The following HELLS variants were observed in gnomAD, a reference collection of about 807,000 sequenced individuals.
The protein encoded by HELLS is lymphoid-specific helicase.
In HELLS, 32 loss-of-function variants were observed where a neutral mutation model predicts 120.0. The observed-to-expected ratio is 0.27, with a 90% CI of 0.20 to 0.36. HELLS has a LOEUF of 0.36. Among genes scored for constraint, HELLS ranks in the 10% least tolerant of loss-of-function variants. The pLI, the probability that HELLS is intolerant of heterozygous loss-of-function variation, is 1.00. For missense variants in HELLS, 650 were observed against 993.4 expected, an observed-to-expected ratio of 0.65 and a Z score of 4.65; for synonymous variants, 341 against 323.4, an observed-to-expected ratio of 1.05 and a Z score of -0.58.
intron 19 of HELLS, 79 bp from the exon 20 acceptor site, chr10:94,596,781 C>A: frequency 1.4e-6 from 1 of 729,464 alleles, no homozygotes. Flanking sequence ...TTAATGCAAG[C>A]CATTGTGATT....
At chr10:94,575,798 T>TGC (rs1844441427) in intron 9 of HELLS, among the ~76,000 whole-genome samples, 1 of 149,888 alleles carries the variant, frequency 6.7e-6, no homozygotes, top group African/African-American at 2.4e-5. Context: ...TGTGTGTGTG[T>TGC]GTGTGTGTGT....
At chr10:94,610,410 C>G (rs1257637106) in exon 10 of HELLS, 1 of 149,900 alleles carries the variant, frequency 6.7e-6, no homozygotes, top group Non-Finnish European at 1.5e-5. Flanking sequence ...AGTCTAGCAA[C>G]AGAGCGATAC....
intron 4 of HELLS, 69 bp from the exon 5 acceptor site, chr10:94,562,622 A>G (rs1843612457): frequency 5.7e-6 from 6 of 1,050,656 alleles, no homozygotes; most frequent in Non-Finnish European, 8.6e-6. Flanking sequence ...CAAGTTAATC[A>G]GTGCCTTTTA....
At chr10:94,551,122 G>A (rs1842962830) in intron 2 of HELLS, 1 of 152,192 alleles carries the variant, frequency 6.6e-6, no homozygotes, top group Admixed American at 6.5e-5. Context: ...TAAAAGAACT[G>A]AAAATTGAGT....
chr10:94,546,923 A>G (rs182876494), intron 2 of HELLS, among the ~76,000 whole-genome samples: 5 of 152,304 alleles, frequency 3.3e-5, no homozygotes, highest in Admixed American at 3.3e-4. Flanking sequence ...GCATCAATCA[A>G]AGGCTGGGCT....
intron 12 of HELLS, 100 bp from the exon 13 acceptor site, chr10:94,588,129 G>T (rs35673694): frequency 1.8e-6 from 1 of 569,756 alleles, no homozygotes; most frequent in Non-Finnish European, 2.9e-6. Context: ...TATTTATATA[G>T]GAAGTCAAAA....
chr10:94,593,226 AT>A, intron 17 of HELLS, among the ~76,000 whole-genome samples: 1 of 152,208 alleles, frequency 6.6e-6, no homozygotes, highest in African/African-American at 2.4e-5. Flanking sequence ...GACAACTACA[AT>A]TTTTTCATCA....
chr10:94,603,890 C>T (rs936867654), downstream of HELLS, among the ~76,000 whole-genome samples: 2 of 151,922 alleles, frequency 1.3e-5, no homozygotes, highest in East Asian at 1.9e-4. Context: ...TGCAGTAGTG[C>T]AATCTCAGCT....
At chr10:94,548,017 A>G (rs1842819004) in intron 2 of HELLS, among the ~76,000 whole-genome samples, 1 of 152,174 alleles carries the variant, frequency 6.6e-6, no homozygotes, top group African/African-American at 2.4e-5. Context: ...ACCTTTTCTC[A>G]TTCTTTGAAT....
In HELLS at chr10:94,556,319, A is replaced by G. The variant is rs190710748; in HGVS notation, c.277-1820A>G. 1.5e-3 allele frequency among the ~76,000 whole-genome samples: 234 copies of G among 152,176 alleles called. 1 individual carries two copies. The highest frequency in any genetic ancestry group is 2.7e-3 in the Non-Finnish European group (185 of 67,986). On this transcript the variant is annotated intron_variant, in intron 3 of 21. Transcript: ENST00000348459. Reference sequence around the variant, plus strand: ...AGAAACTGAGTTTGTTTTTTTCTCAATATTCTTGCACATATGCACTCTTTG... The same window carrying G: ...AGAAACTGAGTTTGTTTTTTTCTCAGTATTCTTGCACATATGCACTCTTTG...
chr10:94,595,375 G>A (rs1845691713), intron 19 of HELLS, among the ~76,000 whole-genome samples: 1 of 152,176 alleles, frequency 6.6e-6, no homozygotes, highest in Non-Finnish European at 1.5e-5. Context: ...GATGGGCAGA[G>A]AAAAGGGGTC....
At chr10:94,570,579 C>T (rs1844093115) in intron 6 of HELLS, 1 of 151,888 alleles carries the variant, frequency 6.6e-6, no homozygotes, top group Non-Finnish European at 1.5e-5. Flanking sequence ...TATATTCTCT[C>T]TGCTTGAAAT....
chr10:94,609,746 A>G (rs1846169910), intron 9 of HELLS: 1 of 152,224 alleles, frequency 6.6e-6, no homozygotes, highest in Non-Finnish European at 1.5e-5. Flanking sequence ...TGAGAATCAG[A>G]CACAGGCACA....
At chr10:94,562,769 T>C in intron 5 of HELLS, 42 bp downstream of exon 5, 2 of 1,547,440 alleles carry the variant, frequency 1.3e-6, no homozygotes, top group Non-Finnish European at 1.8e-6. Flanking sequence ...TGCGTTTATA[T>C]TTCTATTTTA....
chr10:94,602,991 A>C (rs75771163), downstream of HELLS, among the ~76,000 whole-genome samples: 4,260 of 152,150 alleles, frequency 0.028, 95 homozygotes, highest in South Asian at 0.045. Flanking sequence ...CCTCCCTCTC[A>C]CTTTGCTCCC....
At chr10:94,580,119 A>G (rs1340777880) in intron 10 of HELLS, among the ~76,000 whole-genome samples, 57 of 4,760 alleles carry the variant, frequency 0.012, no homozygotes, top group Non-Finnish European at 0.011. Context: ...TTATAAAAGT[A>G]TATATATATA....
At chr10:94,589,160 AT>A (rs201186015) in intron 13 of HELLS, among the ~76,000 whole-genome samples, 6 of 151,470 alleles carry the variant, frequency 4.0e-5, no homozygotes, top group South Asian at 2.1e-4. Flanking sequence ...AAAAAAATAA[AT>A]AAAAAAAAAA....
intron 21 of HELLS, among the ~76,000 whole-genome samples, chr10:94,600,962 A>G (rs1846006510): frequency 6.6e-6 from 1 of 152,216 alleles, no homozygotes; most frequent in Non-Finnish European, 1.5e-5. Flanking sequence ...GAAAACGGAT[A>G]ATATAAGAGC....
chr10:94,585,978 C>T lies in HELLS; in HGVS notation c.1327-2251C>T, dbSNP rs542910610. Among the ~76,000 whole-genome samples the T allele has an allele frequency of 1.2e-4, 19 of 152,164 alleles. No individual in the cohort carries two copies. The Middle Eastern group carries it at 0.014, about 109-fold the overall frequency. ...TACCTTTTTTATACATGTGTTTCAG[C>T]GGTATAGTGTGCCTCTTCTTCCACA... is the stretch of plus-strand genomic sequence containing the variant. On this transcript the variant is annotated intron_variant, in intron 12 of 21. Transcript: ENST00000348459.
Sources: allele counts gnomAD v4.1 joint callset (sites outside exome capture counted in the v4.1 genomes callset), GRCh38; gene constraint gnomAD v4.1.1; transcripts MANE v1.5; gene names NCBI Gene and HGNC (gene_info 2026-07-23, HGNC 2026-07-21).